BLTP1: variants seen among roughly 807,000 people sequenced by gnomAD.
The protein encoded by BLTP1 is bridge-like lipid transfer protein family member 1, also known as fragile site-associated protein.
At chr4:122,295,671 C>T in the BLTP1 span, among the ~76,000 whole-genome samples, 2 of 152,032 alleles carry the variant, frequency 1.3e-5, no homozygotes, top group Non-Finnish European at 2.9e-5. Context: ...TATCCCTGTT[C>T]AACATTGATG....
chr4:122,187,984 T>C, the BLTP1 span: 20 of 1,597,884 alleles, frequency 1.3e-5, no homozygotes, highest in Non-Finnish European at 1.7e-5. Context: ...CAAAACCACC[T>C]TCAAGTCATC....
the BLTP1 span, chr4:122,331,130 C>G: frequency 2.1e-6 from 2 of 947,190 alleles, no homozygotes; most frequent in Non-Finnish European, 2.5e-6. Context: ...CATCACCTAG[C>G]AAATAGCCTG....
the BLTP1 span, chr4:122,266,831 A>G: frequency 6.2e-7 from 1 of 1,610,362 alleles, no homozygotes; most frequent in Non-Finnish European, 8.5e-7. Context: ...GTCACAGGAT[A>G]CAATGCCATT....
At chr4:122,238,500 T>A in the BLTP1 span, 2 of 634,842 alleles carry the variant, frequency 3.2e-6, no homozygotes, top group Non-Finnish European at 5.5e-6. Flanking sequence ...GTCAGTTTGC[T>A]GTTGTCTGAT....
At chr4:122,166,444 G>T in the BLTP1 span, among the ~76,000 whole-genome samples, 792 of 152,182 alleles carry the variant, frequency 5.2e-3, 10 homozygotes, top group African/African-American at 0.017. Flanking sequence ...TCTCTGTTTT[G>T]GTACCAGTAC....
chr4:122,270,328 G>A, the BLTP1 span: 1 of 983,700 alleles, frequency 1.0e-6, no homozygotes, highest in Non-Finnish European at 1.2e-6. Flanking sequence ...TAGTGTGCAT[G>A]GAAGAAGAGG....
chr4:122,153,238 C>T, the BLTP1 span, among the ~76,000 whole-genome samples: 4 of 137,840 alleles, frequency 2.9e-5, no homozygotes, highest in African/African-American at 8.0e-5. Flanking sequence ...TGTGAATTTC[C>T]TTTTTAAGGA....
the BLTP1 span, among the ~76,000 whole-genome samples, chr4:122,191,438 T>C: frequency 6.8e-3 from 1,035 of 152,252 alleles, 11 homozygotes; most frequent in African/African-American, 0.024. Context: ...ACCAATGATA[T>C]AGCAAGTGTG....
the BLTP1 span, chr4:122,269,398 T>C: frequency 1.0e-6 from 1 of 985,042 alleles, no homozygotes; most frequent in Admixed American, 6.2e-5. Context: ...AGTGAGAGCT[T>C]CTTTGAGTGA....
chr4:122,175,372 A>G, the BLTP1 span: 1 of 565,054 alleles, frequency 1.8e-6, no homozygotes. Context: ...TTTATGAGAA[A>G]TGAAGGAACA....
chr4:122,205,640 CTT>C, the BLTP1 span, among the ~76,000 whole-genome samples: 8 of 12,092 alleles, frequency 6.6e-4, no homozygotes, highest in Admixed American at 3.0e-3. Flanking sequence ...TTTCCCCCCC[CTT>C]CTCTCTCTCT....
the BLTP1 span, chr4:122,362,009 AT>A: frequency 1.4e-6 from 1 of 734,714 alleles, no homozygotes; most frequent in Non-Finnish European, 1.9e-6. Flanking sequence ...CTCCTTAATA[AT>A]AACTGTAATT....
At chr4:122,229,112 T>G in the BLTP1 span, 1 of 1,580,296 alleles carries the variant, frequency 6.3e-7, no homozygotes, top group East Asian at 2.3e-5. Flanking sequence ...CAATCCTTTT[T>G]TATTTTAGTT....
At chr4:122,275,974 TG>T in the BLTP1 span, 1 of 1,560,994 alleles carries the variant, frequency 6.4e-7, no homozygotes. Context: ...ATCTGTAGAC[TG>T]GAGGATTTTC....
the BLTP1 span, chr4:122,344,577 GT>G: frequency 2.0e-6 from 3 of 1,526,004 alleles, no homozygotes; most frequent in Non-Finnish European, 2.7e-6. Context: ...CAATTTTATA[GT>G]TTTTAAATTA....
the BLTP1 span, chr4:122,182,748 T>C: frequency 3.0e-6 from 3 of 985,282 alleles, no homozygotes; most frequent in Non-Finnish European, 2.4e-6. Flanking sequence ...CATTCACTGC[T>C]CCCTTTCTCC....
chr4:122,292,623 A>G, the BLTP1 span: 1 of 927,800 alleles, frequency 1.1e-6, no homozygotes, highest in Non-Finnish European at 1.3e-6. Flanking sequence ...GTAAGTGAAA[A>G]TTGAAAAAGA....
the BLTP1 span, among the ~76,000 whole-genome samples, chr4:122,192,838 C>A: frequency 6.6e-6 from 1 of 152,158 alleles, no homozygotes; most frequent in Admixed American, 6.5e-5. Context: ...TCATGAAGAA[C>A]TTAGAAAAGT....
At chr4:122,340,919 TC>T in the BLTP1 span, 4 of 747,840 alleles carry the variant, frequency 5.3e-6, no homozygotes, top group Non-Finnish European at 6.5e-6. Context: ...CTACAACATT[TC>T]TGTAGTGATA....
Sources: allele counts gnomAD v4.1 joint callset (sites outside exome capture counted in the v4.1 genomes callset), GRCh38; gene constraint gnomAD v4.1.1; transcripts MANE v1.5; gene names NCBI Gene and HGNC (gene_info 2026-07-23, HGNC 2026-07-21).